The following HNRNPUL1 variants were observed in gnomAD, a reference collection of about 807,000 sequenced individuals.
HNRNPUL1 encodes the protein heterogeneous nuclear ribonucleoprotein U like 1, also known as heterogeneous nuclear ribonucleoprotein U-like protein 1.
Under a neutral mutation model 108.5 loss-of-function variants are expected in HNRNPUL1, and 14 were observed. That is an observed-to-expected ratio of 0.13 (90% CI 0.09 to 0.20). The LOEUF is 0.20. HNRNPUL1 is among the 10% of genes least tolerant of loss of function. The pLI is 1.00. For synonymous variants in HNRNPUL1, 422 were observed against 445.2 expected, an observed-to-expected ratio of 0.95 and a Z score of 0.66; for missense variants, 804 against 1,168.3, an observed-to-expected ratio of 0.69 and a Z score of 4.55.
rs1268733375 is a variant in HNRNPUL1, at chr19:41,304,367, A to G, written c.2262+106A>G. 5.3e-6 allele frequency: 8 copies of G among 1,501,588 alleles called. No homozygotes were observed. In the East Asian group the frequency reaches 1.2e-4, roughly 22 times the overall value. The allele number at this position is 1,501,588 out of a possible 1,614,324, so 93.0% of individuals were successfully genotyped here. ...GGGGAAATCAACACATGCCCCAGCT[A>G]CTGGTCTTCACTCTAACCTCTAGCC... On this transcript the variant is annotated intron_variant, in intron 13 of 14. Transcript: ENST00000392006.
chr19:41,269,149 T>TAA (rs113832910), intron 2 of HNRNPUL1, among the ~76,000 whole-genome samples: 28 of 143,756 alleles, frequency 1.9e-4, no homozygotes, highest in African/African-American at 5.1e-4. Flanking sequence ...GTCCAGAATT[T>TAA]AAAAAAAAAA....
intron 4 of HNRNPUL1, 54 bp from the exon 5 acceptor site, chr19:41,276,105 A>G: frequency 1.2e-6 from 2 of 1,611,728 alleles, no homozygotes; most frequent in African/African-American, 1.3e-5. Context: ...CTCCGTCTCA[A>G]GAAAACAAAA....
chr19:41,280,975 G>A (rs2035865682), intron 6 of HNRNPUL1, 188 bp from the exon 7 acceptor site: 1 of 546,318 alleles, frequency 1.8e-6, no homozygotes, highest in East Asian at 3.1e-5. Context: ...AACCCATCAA[G>A]CCCTCCAAGT....
At chr19:41,274,862 G>A (rs1004975787) in intron 4 of HNRNPUL1, among the ~76,000 whole-genome samples, 3 of 152,154 alleles carry the variant, frequency 2.0e-5, no homozygotes, top group Admixed American at 6.5e-5. Flanking sequence ...ACAAGCTCTC[G>A]AAAACAACAT....
rs2037601470 is a variant in HNRNPUL1 at position 41,307,394 on chromosome 19, A to T, written c.*829A>T. ...AACCTTTTATTCCGGGCGTCTTGGT[A>T]GTTTCTGGTGGGATTCAGTGGGTGA... On this transcript the variant is annotated 3_prime_UTR_variant, in exon 15 of 15. Transcript: ENST00000392006. 1 of 152,502 alleles carries T rather than the reference A, an allele frequency of 6.6e-6. No homozygotes were observed. The highest frequency in any genetic ancestry group is 2.4e-5 in the African/African-American group (1 of 41,390). 9.4% of individuals were successfully genotyped at this position (152,502 alleles called of 1,614,324 possible).
At chr19:41,265,030 G>A (rs1291154349) in intron 1 of HNRNPUL1, 8 of 1,392,766 alleles carry the variant, frequency 5.7e-6, no homozygotes, top group South Asian at 1.6e-5. Context: ...TTTCGGAGGT[G>A]AGGGACGGGG....
At chr19:41,303,943 C>T (rs373423973) in intron 12 of HNRNPUL1, 29 bp from the exon 13 acceptor site, 95 of 1,581,496 alleles carry the variant, frequency 6.0e-5, no homozygotes, top group African/African-American at 1.6e-4. Context: ...GGAATGATGG[C>T]GCCTTTCATC....
chr19:41,266,382 G>A lies in HNRNPUL1; in HGVS notation c.295+1584G>A, dbSNP rs573380120. On this transcript the variant is annotated intron_variant, in intron 1 of 14. Coordinates refer to ENST00000392006, the MANE Select transcript of HNRNPUL1 (RefSeq NM_007040.6). ...TGGGAGGGGGAGGTTGCAGTCAGCC[G>A]AGATTACGCCATTGCACTCCAGCCT... 1.6e-4 allele frequency among the ~76,000 whole-genome samples: 24 copies of A among 152,230 alleles called. No homozygotes were observed. In the South Asian group the frequency reaches 1.9e-3, roughly 12 times the overall value.
In HNRNPUL1 at chr19:41,268,339, C is replaced by T. The variant is rs199709764; in HGVS notation, c.412C>T (p.Arg138Cys). 7.0e-5 allele frequency: 113 copies of T among 1,613,266 alleles called. No homozygotes were observed. Among genetic ancestry groups the T allele is most frequent in the Middle Eastern group, 1.7e-4 (1 of 6,060 alleles). ...PLEMEQQQAY[R>C]PEMKTEMKQG... ...GGAAATGGAGCAGCAGCAGGCCTAT[C>T]GTCCAGGTAGGAAAATACACATGGT... is the stretch of plus-strand genomic sequence containing the variant. Residue 138 changes from arginine to cysteine, a missense_variant, in exon 2 of 15, where the codon CGT becomes TGT. Coordinates refer to ENST00000392006, the MANE Select transcript of HNRNPUL1 (RefSeq NM_007040.6).
At chr19:41,300,145 T>C (rs1193649400) in intron 10 of HNRNPUL1, among the ~76,000 whole-genome samples, 1 of 152,142 alleles carries the variant, frequency 6.6e-6, no homozygotes, top group Non-Finnish European at 1.5e-5. Context: ...TCTTGCACTT[T>C]GTCAATTGCT....
intron 10 of HNRNPUL1, among the ~76,000 whole-genome samples, chr19:41,298,304 C>G (rs1269392673): frequency 6.6e-6 from 1 of 152,214 alleles, no homozygotes; most frequent in Non-Finnish European, 1.5e-5. Context: ...GGAACACAGA[C>G]AGCCACATTT....
chr19:41,283,115 A>G (rs2036001137), intron 7 of HNRNPUL1, among the ~76,000 whole-genome samples: 1 of 152,236 alleles, frequency 6.6e-6, no homozygotes, highest in African/African-American at 2.4e-5. Context: ...AATGCATAAA[A>G]TATAAGTAGG....
intron 7 of HNRNPUL1, among the ~76,000 whole-genome samples, chr19:41,285,309 C>G (rs889406431): frequency 1.3e-5 from 2 of 152,088 alleles, no homozygotes; most frequent in Non-Finnish European, 2.9e-5. Context: ...TCACTGCAGC[C>G]CCCGCCTCCC....
chr19:41,281,379 T>C (rs1308647294), intron 7 of HNRNPUL1, 104 bp downstream of exon 7: 9 of 701,236 alleles, frequency 1.3e-5, no homozygotes, highest in Non-Finnish European at 5.1e-6. Flanking sequence ...CCAGCCACTC[T>C]CGCCATACTT....
intron 7 of HNRNPUL1, among the ~76,000 whole-genome samples, chr19:41,284,564 G>T (rs2036097124): frequency 6.6e-6 from 1 of 152,060 alleles, no homozygotes; most frequent in Non-Finnish European, 1.5e-5. Flanking sequence ...CAGATAGGAG[G>T]CTGAGGATCG....
intron 7 of HNRNPUL1, among the ~76,000 whole-genome samples, chr19:41,285,749 T>C (rs1446380851): frequency 6.6e-6 from 1 of 152,136 alleles, no homozygotes; most frequent in Non-Finnish European, 1.5e-5. Flanking sequence ...CCCATGAGTT[T>C]AGTACAGAAG....
At chr19:41,267,779 T>A (rs1161928039) in intron 1 of HNRNPUL1, among the ~76,000 whole-genome samples, 3 of 152,210 alleles carry the variant, frequency 2.0e-5, no homozygotes, top group Admixed American at 2.0e-4. Context: ...TCTCTCTGGG[T>A]TTGGCTGCAA....
chr19:41,270,007 A>C (rs1466333871), intron 2 of HNRNPUL1, among the ~76,000 whole-genome samples: 1 of 151,856 alleles, frequency 6.6e-6, no homozygotes, highest in African/African-American at 2.4e-5. Context: ...TTTGAGACGA[A>C]GTCTCGCTCT....
Position 41,306,500 on chromosome 19 carries a change from TACTACGGGAACTACG to T in HNRNPUL1, c.2516_2530del (p.Asn839_Gly843del). On this transcript the variant is annotated inframe_deletion, in exon 15 of 15. Coordinates refer to ENST00000392006, the MANE Select transcript of HNRNPUL1 (RefSeq NM_007040.6). Reference sequence around the variant, plus strand: ...TCAGAACCAGGGCCAGTGGCCGCCATACTACGGGAACTACGACTACGGGAGCTACTCCGGGAACAC... The same window carrying T: ...TCAGAACCAGGGCCAGTGGCCGCCATACTACGGGAGCTACTCCGGGAACAC... 6.2e-7 allele frequency: 1 copy of T among 1,606,354 alleles called. No individual in the cohort carries two copies. The highest frequency in any genetic ancestry group is 8.5e-7 in the Non-Finnish European group (1 of 1,176,722).
Sources: allele counts gnomAD v4.1 joint callset (sites outside exome capture counted in the v4.1 genomes callset), GRCh38; gene constraint gnomAD v4.1.1; transcripts MANE v1.5; gene names NCBI Gene and HGNC (gene_info 2026-07-23, HGNC 2026-07-21).